Variants in RAB3B observed in about 807,000 individuals in gnomAD.
RAB3B encodes the protein ras-related protein Rab-3B.
RAB3B carries 11 observed loss-of-function variants against 20.5 expected under a neutral mutation model. The ratio of observed to expected loss-of-function variants is 0.54; its 90% confidence interval spans 0.34 to 0.89. The LOEUF is 0.89. Ranked by LOEUF, RAB3B falls within the 40% of genes least tolerant of loss-of-function variation. RAB3B has a pLI of 0.02. For missense variants in RAB3B, 225 were observed against 280.9 expected, an observed-to-expected ratio of 0.80 and a Z score of 1.42; for synonymous variants, 99 against 106.3, an observed-to-expected ratio of 0.93 and a Z score of 0.42.
intron 2 of RAB3B, among the ~76,000 whole-genome samples, chr1:51,959,659 T>C (rs770348535): frequency 2.6e-5 from 4 of 152,070 alleles, no homozygotes; most frequent in Non-Finnish European, 4.4e-5. Context: ...TTCAGATCAG[T>C]TGTGTTCTAG....
rs1684116525 is a variant in RAB3B at position 51,918,287 on chromosome 1, C to T, written c.*1640G>A. ...TCATGCCACCTTAAGATTTATTTTG[C>T]TTTGAATCATACTTCTCAGTTAGAC... On this transcript the variant is annotated 3_prime_UTR_variant, in exon 5 of 5. Transcript: ENST00000371655. The T allele has an allele frequency of 6.6e-6, 1 of 152,126 alleles. No individual in the cohort carries two copies. The highest frequency in any genetic ancestry group is 1.5e-5 in the Non-Finnish European group (1 of 68,028). 9.4% of individuals were successfully genotyped at this position (152,126 alleles called of 1,614,324 possible). A position where few individuals can be genotyped will look rare whatever the true frequency, so the allele number is the denominator to read the frequency against.
chr1:51,968,845 T>G (rs1684890675), intron 2 of RAB3B, among the ~76,000 whole-genome samples: 1 of 152,224 alleles, frequency 6.6e-6, no homozygotes, highest in South Asian at 2.1e-4. Flanking sequence ...GACCTTGTTC[T>G]CAGTTCCTGT....
intron 2 of RAB3B, among the ~76,000 whole-genome samples, chr1:51,957,356 C>G (rs560919701): frequency 4.0e-4 from 61 of 152,328 alleles, no homozygotes; most frequent in Admixed American, 6.5e-4. Context: ...CATCCTCCCC[C>G]CTTAATTTTA....
intron 2 of RAB3B, among the ~76,000 whole-genome samples, chr1:51,969,643 C>T (rs1684901621): frequency 6.6e-6 from 1 of 151,988 alleles, no homozygotes; most frequent in Non-Finnish European, 1.5e-5. Context: ...TACGCCCCAT[C>T]TCTCTGACTC....
At chr1:51,954,698 C>A (rs1684683307) in intron 2 of RAB3B, among the ~76,000 whole-genome samples, 1 of 152,160 alleles carries the variant, frequency 6.6e-6, no homozygotes, top group African/African-American at 2.4e-5. Flanking sequence ...AAGCCTGAAA[C>A]AGCACAGCAT....
chr1:51,975,622 C>T (rs1451449051), intron 2 of RAB3B, among the ~76,000 whole-genome samples: 1 of 152,214 alleles, frequency 6.6e-6, no homozygotes, highest in Non-Finnish European at 1.5e-5. Flanking sequence ...TGAAGACACT[C>T]TAAGAGGCCA....
chr1:51,987,298 C>G (rs1476022048), intron 1 of RAB3B, among the ~76,000 whole-genome samples: 1 of 152,144 alleles, frequency 6.6e-6, no homozygotes, highest in Non-Finnish European at 1.5e-5. Flanking sequence ...GAGACTGAGT[C>G]CAAGAGACCT....
At chr1:51,989,455 A>G (rs1254832090) in intron 1 of RAB3B, among the ~76,000 whole-genome samples, 4 of 150,658 alleles carry the variant, frequency 2.7e-5, no homozygotes, top group Non-Finnish European at 4.4e-5. Flanking sequence ...CCCTCCTTGG[A>G]CTCCTGAGTG....
At chr1:51,955,109 G>A (rs114304821) in intron 2 of RAB3B, among the ~76,000 whole-genome samples, 2 of 152,228 alleles carry the variant, frequency 1.3e-5, no homozygotes, top group African/African-American at 2.4e-5. Flanking sequence ...CTTTATGAGC[G>A]AAGTTTGAGG....
chr1:51,940,452 G>A (rs1167963151), intron 2 of RAB3B, among the ~76,000 whole-genome samples: 1 of 152,094 alleles, frequency 6.6e-6, no homozygotes, highest in Non-Finnish European at 1.5e-5. Flanking sequence ...GTGAAATCCT[G>A]TCTGTATTAA....
intron 1 of RAB3B, among the ~76,000 whole-genome samples, chr1:51,985,097 C>A (rs1222518864): frequency 3.3e-5 from 5 of 152,226 alleles, no homozygotes; most frequent in Non-Finnish European, 7.3e-5. Context: ...CCACCTACTT[C>A]ACAGAGCTTG....
At chr1:51,963,188 C>T (rs1215403826) in intron 2 of RAB3B, among the ~76,000 whole-genome samples, 2 of 152,198 alleles carry the variant, frequency 1.3e-5, no homozygotes, top group African/African-American at 2.4e-5. Context: ...CTTATCATTA[C>T]CAATAGTAAT....
At chr1:51,922,908 G>C (rs1348356075) in intron 4 of RAB3B, among the ~76,000 whole-genome samples, 1 of 152,030 alleles carries the variant, frequency 6.6e-6, no homozygotes, top group African/African-American at 2.4e-5. Flanking sequence ...TGTTGGCCAG[G>C]CTAGTCTGGA....
chr1:51,948,023 AG>A (rs1684587792), intron 2 of RAB3B, among the ~76,000 whole-genome samples: 1 of 152,228 alleles, frequency 6.6e-6, no homozygotes. Context: ...GGAGACACAA[AG>A]AATAAATCTA....
intron 2 of RAB3B, among the ~76,000 whole-genome samples, chr1:51,957,986 G>C (rs1684733489): frequency 6.6e-6 from 1 of 152,050 alleles, no homozygotes; most frequent in Non-Finnish European, 1.5e-5. Context: ...CTGAACACAG[G>C]GTCCAACCTC....
intron 4 of RAB3B, 92 bp from the exon 5 acceptor site, chr1:51,920,206 G>A (rs1684153949): frequency 8.7e-7 from 1 of 1,149,122 alleles, no homozygotes; most frequent in South Asian, 1.6e-5. Context: ...GGATTAATAT[G>A]TCCAGTGCTC....
At chr1:51,988,221 G>T (rs188042471) in intron 1 of RAB3B, among the ~76,000 whole-genome samples, 12 of 152,296 alleles carry the variant, frequency 7.9e-5, no homozygotes, top group Admixed American at 2.0e-4. Flanking sequence ...TAAGAAGGGA[G>T]TTGGGCAAAT....
chr1:51,946,170 C>T lies in RAB3B; in HGVS notation c.229-8758G>A, dbSNP rs76686640. 7.2e-3 allele frequency among the ~76,000 whole-genome samples: 1,100 copies of T among 152,234 alleles called. 13 individuals are homozygous for T. The highest frequency in any genetic ancestry group is 0.026 in the African/African-American group (1,064 of 41,532). On this transcript the variant is annotated intron_variant, in intron 2 of 4. Coordinates refer to ENST00000371655, the MANE Select transcript of RAB3B (RefSeq NM_002867.4). ...CAGATAATGTAGGGGTAGAGCCTAG[C>T]AGAGCACTGGCCACATGGTAGGTGC...
intron 1 of RAB3B, among the ~76,000 whole-genome samples, chr1:51,982,094 T>C (rs1166544749): frequency 6.6e-6 from 1 of 152,158 alleles, no homozygotes; most frequent in Non-Finnish European, 1.5e-5. Flanking sequence ...TCCATGCCTA[T>C]TATTGCCCCT....
Sources: gnomAD v4.1 joint callset for allele counts (sites outside exome capture counted in the v4.1 genomes callset) on GRCh38, gnomAD v4.1.1 for gene constraint, MANE v1.5 for transcripts, NCBI Gene and HGNC (gene_info 2026-07-23, HGNC 2026-07-21) for gene names.